The following IL17RD variants were observed in gnomAD, a reference collection of about 807,000 sequenced individuals.
IL17RD encodes interleukin-17 receptor D.
A neutral mutation model predicts 80.5 loss-of-function variants in IL17RD; 52 were observed. That is an observed-to-expected ratio of 0.65 (90% confidence interval 0.52 to 0.81). IL17RD has a LOEUF of 0.81. Ranked by LOEUF, IL17RD falls within the 40% of genes least tolerant of loss-of-function variation. The pLI is 0.00. For synonymous variants in IL17RD, 416 were observed against 391.8 expected, an observed-to-expected ratio of 1.06 and a Z score of -0.73; for missense variants, 1,024 against 955.1, an observed-to-expected ratio of 1.07 and a Z score of -0.95.
intron 1 of IL17RD, among the ~76,000 whole-genome samples, chr3:57,141,766 G>A (rs940552280): frequency 5.3e-5 from 8 of 152,128 alleles, no homozygotes; most frequent in African/African-American, 1.9e-4. Context: ...TGGTATTAAT[G>A]AAAGATCAAC....
At chr3:57,146,303 A>T (rs902150550) in intron 1 of IL17RD, among the ~76,000 whole-genome samples, 1 of 152,192 alleles carries the variant, frequency 6.6e-6, no homozygotes, top group Admixed American at 6.5e-5. Context: ...CTACTAAGCG[A>T]CATTTCGCCC....
At chr3:57,147,427 C>G (rs796624318) in intron 1 of IL17RD, among the ~76,000 whole-genome samples, 1 of 152,212 alleles carries the variant, frequency 6.6e-6, no homozygotes, top group South Asian at 2.1e-4. Context: ...TCTCAAAACA[C>G]AATTCCTCCC....
At chr3:57,122,384 C>T (rs1256598205) in intron 1 of IL17RD, among the ~76,000 whole-genome samples, 3 of 152,220 alleles carry the variant, frequency 2.0e-5, no homozygotes, top group East Asian at 1.9e-4. Context: ...CCCCAACCCC[C>T]GGGCCCTGGA....
chr3:57,103,112 TCA>T lies in IL17RD; in HGVS notation c.845_846del (p.Val282AspfsTer53). On this transcript the variant is annotated frameshift_variant, in exon 9 of 13. Coordinates refer to ENST00000296318, the MANE Select transcript of IL17RD (RefSeq NM_017563.5). LOFTEE classifies it high-confidence loss of function. ...CTACCTGGCTTTAAGGCATAATGCA[TCA>T]CTTTTCTTGTTGTGTTAGTGTCATC... ...LVDDTNTTRK[V>X]MHYALKPVHS... 6.2e-7 allele frequency: 1 copy of T among 1,602,842 alleles called. No homozygotes were observed. Among genetic ancestry groups the T allele is most frequent in the Non-Finnish European group, 8.5e-7 (1 of 1,174,118 alleles).
chr3:57,164,970 C>A, intron 1 of IL17RD, 191 bp downstream of exon 1: 9 of 1,321,000 alleles, frequency 6.8e-6, no homozygotes, highest in Non-Finnish European at 8.7e-6. Flanking sequence ...GCTTTCATCT[C>A]GGCCAGGGCC....
At chr3:57,116,449 A>G (rs548830126) in intron 2 of IL17RD, among the ~76,000 whole-genome samples, 342 of 47,576 alleles carry the variant, frequency 7.2e-3, no homozygotes, top group Non-Finnish European at 0.017. Flanking sequence ...ACACCCGGCT[A>G]ATTTTTGTAT....
At chr3:57,108,651 G>C (rs1432120322) in intron 5 of IL17RD, among the ~76,000 whole-genome samples, 1 of 151,406 alleles carries the variant, frequency 6.6e-6, no homozygotes, top group Non-Finnish European at 1.5e-5. Context: ...GAGTAGCTGG[G>C]ACTACAGGCG....
Position 57,098,013 on chromosome 3 carries a change from A to C in IL17RD, c.1690T>G (p.Phe564Val), listed in dbSNP as rs374959214. The change falls in exon 12 of 13, where the codon TTC becomes GTC. Residue 564 changes from phenylalanine to valine, a missense_variant. By Grantham distance (50) the Phe-to-Val change is conservative. Transcript: ENST00000296318. ...DEEPDWFEKQ[F>V]VPFHPPPLRY... ...AGTGGAGGAGGATGGAAGGGAACGA[A>C]CTGCTTTTCGAACCAGTCGGGCTCC... 63 of 1,614,020 alleles carry C rather than the reference A, an allele frequency of 3.9e-5. No individual in the cohort carries two copies. Among genetic ancestry groups the C allele is most frequent in the Non-Finnish European group, 4.9e-5 (58 of 1,179,886 alleles).
intron 7 of IL17RD, 91 bp downstream of exon 7, chr3:57,105,766 C>G (rs1367099107): frequency 9.4e-6 from 10 of 1,059,286 alleles, no homozygotes; most frequent in Non-Finnish European, 1.4e-5. Context: ...GCCAACAAAG[C>G]CTAATGCTCA....
chr3:57,153,591 A>G (rs2060244680), intron 1 of IL17RD, among the ~76,000 whole-genome samples: 2 of 152,272 alleles, frequency 1.3e-5, no homozygotes, highest in South Asian at 4.1e-4. Context: ...GAATGACATT[A>G]AAAGGACAAG....
chr3:57,158,717 G>A (rs577380606), intron 1 of IL17RD, among the ~76,000 whole-genome samples: 3 of 152,240 alleles, frequency 2.0e-5, no homozygotes, highest in Middle Eastern at 3.4e-3. Context: ...CTAGTTATTC[G>A]TTTTTTAGGC....
At chr3:57,114,154 A>C (rs1707160720) in intron 3 of IL17RD, among the ~76,000 whole-genome samples, 1 of 151,756 alleles carries the variant, frequency 6.6e-6, no homozygotes, top group Non-Finnish European at 1.5e-5. Context: ...ATTGCACTCC[A>C]GCCTGGGTGA....
At chr3:57,136,664 A>C (rs1294541566) in intron 1 of IL17RD, among the ~76,000 whole-genome samples, 3 of 137,008 alleles carry the variant, frequency 2.2e-5, no homozygotes, top group African/African-American at 5.7e-5. Flanking sequence ...AAAAAAAAAA[A>C]CTTAGCTGAT....
At chr3:57,131,942 T>C (rs1452402114) in intron 1 of IL17RD, among the ~76,000 whole-genome samples, 1 of 152,204 alleles carries the variant, frequency 6.6e-6, no homozygotes, top group Non-Finnish European at 1.5e-5. Context: ...TCCCAGCATT[T>C]TGGGAGGCGG....
intron 1 of IL17RD, among the ~76,000 whole-genome samples, chr3:57,126,278 C>G (rs112328317): frequency 6.6e-6 from 1 of 152,196 alleles, no homozygotes; most frequent in Admixed American, 6.5e-5. Flanking sequence ...CAGCAAGCCC[C>G]GGCTGTCTGG....
At chr3:57,136,641 CAAA>C (rs59941543) in intron 1 of IL17RD, among the ~76,000 whole-genome samples, 1,229 of 48,056 alleles carry the variant, frequency 0.026, 23 homozygotes, top group African/African-American at 0.077. Flanking sequence ...AACCCCCACT[CAAA>C]AAAAAAAAAA....
intron 1 of IL17RD, among the ~76,000 whole-genome samples, chr3:57,140,311 A>C (rs1176816106): frequency 6.6e-6 from 1 of 152,216 alleles, no homozygotes; most frequent in Non-Finnish European, 1.5e-5. Flanking sequence ...TACGAGCTCT[A>C]AATCAGGTCA....
At chr3:57,099,184 G>A (rs531180596) in intron 11 of IL17RD, among the ~76,000 whole-genome samples, 13 of 152,336 alleles carry the variant, frequency 8.5e-5, no homozygotes, top group African/African-American at 2.9e-4. Flanking sequence ...CTAGTGAACT[G>A]CATTAACATG....
chr3:57,167,679 G>T (rs2060354099), upstream of IL17RD, among the ~76,000 whole-genome samples: 1 of 152,154 alleles, frequency 6.6e-6, no homozygotes, highest in Non-Finnish European at 1.5e-5. Context: ...TTGATTCAAT[G>T]ATTTTATACA....
Sources: gnomAD v4.1 joint callset for allele counts (sites outside exome capture counted in the v4.1 genomes callset) on GRCh38, gnomAD v4.1.1 for gene constraint, MANE v1.5 for transcripts, NCBI Gene and HGNC (gene_info 2026-07-23, HGNC 2026-07-21) for gene names.